LRRC3: variants seen among roughly 807,000 people sequenced by gnomAD.
LRRC3 encodes leucine rich repeat containing 3, also known as leucine-rich repeat-containing protein 3.
For synonymous variants in LRRC3, 172 were observed against 164.1 expected, an observed-to-expected ratio of 1.05 and a Z score of -0.37; for missense variants, 351 against 361.6, an observed-to-expected ratio of 0.97 and a Z score of 0.24.
chr21:44,459,940 A>T lies in LRRC3; in HGVS notation c.*2522A>T, dbSNP rs2051733021. The T allele has an allele frequency of 6.6e-6, 1 of 152,408 alleles. No individual in the cohort carries two copies. The highest frequency in any genetic ancestry group is 2.4e-5 in the African/African-American group (1 of 41,398). 9.4% of individuals were successfully genotyped at this position (152,408 alleles called of 1,614,324 possible). ...CTGCACTGTGAGCTCAGTCAGGTCC[A>T]TGAGCTGCCCACCGTCCTGGCCTTA... is the stretch of plus-strand genomic sequence containing the variant. On this transcript the variant is annotated 3_prime_UTR_variant, in exon 2 of 2. Coordinates refer to ENST00000291592, the MANE Select transcript of LRRC3 (RefSeq NM_030891.6).
intron 1 of LRRC3, 83 bp from the exon 2 acceptor site, chr21:44,456,415 G>A: frequency 1.8e-6 from 1 of 564,622 alleles, no homozygotes; most frequent in Admixed American, 3.3e-5. Flanking sequence ...CCCCACCAGT[G>A]GACGCGTTTC....
At position 44,461,461 on chromosome 21, in the gene LRRC3, C is replaced by CA. The variant is rs1275262452; in HGVS notation, c.*4044dup. On this transcript the variant is annotated 3_prime_UTR_variant, in exon 2 of 2. Transcript: ENST00000291592. The stretch of plus-strand genomic sequence containing the variant: ...CTCCCGCCACAGAGCCTGGGGCCCC[C>CA]AGCCTTGCCTACAGGGAGGGTAGAT... 6.6e-6 allele frequency: 1 copy of CA among 152,378 alleles called. No individual in the cohort carries two copies. The highest frequency in any genetic ancestry group is 2.4e-5 in the African/African-American group (1 of 41,462). 9.4% of individuals were successfully genotyped at this position (152,378 alleles called of 1,614,324 possible).
At chr21:44,455,935 G>A (rs1033657853) in intron 1 of LRRC3, among the ~76,000 whole-genome samples, 1 of 152,160 alleles carries the variant, frequency 6.6e-6, no homozygotes, top group Non-Finnish European at 1.5e-5. Context: ...TTCTGTGCCC[G>A]GTGCGAGCCG....
chr21:44,456,887 C>A lies in LRRC3; in HGVS notation c.243C>A (p.Asp81Glu), dbSNP rs115206214. The change falls in exon 2 of 2, where the codon GAC (aspartate) becomes GAA (glutamate). Residue 81 changes from aspartate (D) to glutamate (E), a missense_variant. Physicochemically the swap from Asp to Glu is conservative, Grantham distance 45. Transcript: ENST00000291592. ...LDANKISHLP[D>E]GAFQHLHRLR... ...CCAACAAGATCTCCCACCTCCCGGA[C>A]GGGGCCTTCCAGCACCTGCACCGGC... 6.2e-7 allele frequency: 1 copy of A among 1,610,366 alleles called. No homozygotes were observed. Among genetic ancestry groups the A allele is most frequent in the South Asian group, 1.1e-5 (1 of 90,918 alleles).
rs1002287224 is a variant in LRRC3, at chr21:44,458,621, A to G, written c.*1203A>G. On this transcript the variant is annotated 3_prime_UTR_variant, in exon 2 of 2. Transcript: ENST00000291592. ...TCACCTTTGCTGCCAGGAATCTCAG[A>G]GATAATTTAGTGCTCAATTTACTAA... 1 of 167,102 alleles carries G rather than the reference A, an allele frequency of 6.0e-6. No homozygotes were observed. Among genetic ancestry groups the G allele is most frequent in the African/African-American group, 2.4e-5 (1 of 41,454 alleles). 10.4% of individuals were successfully genotyped at this position (167,102 alleles called of 1,614,324 possible).
At position 44,459,575 on chromosome 21, in the gene LRRC3, G is replaced by C. The variant is rs959391792; in HGVS notation, c.*2157G>C. The stretch of plus-strand genomic sequence containing the variant: ...CCAGGTCCCAAGGAGAGTGTGAACT[G>C]AGGCCTGGGTGGTGAAGGCAGGGCC... On this transcript the variant is annotated 3_prime_UTR_variant, in exon 2 of 2. Coordinates refer to ENST00000291592, the MANE Select transcript of LRRC3 (RefSeq NM_030891.6). The C allele has an allele frequency of 1.3e-5, 2 of 152,328 alleles. No individual in the cohort carries two copies. Among genetic ancestry groups the C allele is most frequent in the African/African-American group, 4.8e-5 (2 of 41,444 alleles). 9.4% of individuals were successfully genotyped at this position (152,328 alleles called of 1,614,324 possible). A position where few individuals can be genotyped will look rare whatever the true frequency, so the allele number is the denominator to read the frequency against.
chr21:44,455,739 G>C (rs2051693847), intron 1 of LRRC3, 84 bp downstream of exon 1: 1 of 152,030 alleles, frequency 6.6e-6, no homozygotes, highest in South Asian at 2.1e-4. Context: ...GGGTCTCGGG[G>C]GTCCCAGGTT....
Position 44,456,651 on chromosome 21 carries a change from A to G in LRRC3, c.7A>G (p.Thr3Ala). MGTVRPPRPSLLL... is the reference protein window; with the variant it reads MGAVRPPRPSLLL... ...GTCCCCAGGTCAGGTCAGGATGGGC[A>G]CCGTGCGCCCACCTCGCCCCTCGCT... Residue 3 changes from threonine (T) to alanine (A), a missense_variant, in exon 2 of 2, where the codon ACC (threonine) becomes GCC (alanine). Transcript: ENST00000291592. 6.3e-7 allele frequency: 1 copy of G among 1,593,056 alleles called. No homozygotes were observed. Among genetic ancestry groups the G allele is most frequent in the Non-Finnish European group, 8.5e-7 (1 of 1,170,534 alleles).
chr21:44,457,260 G>C lies in LRRC3; in HGVS notation c.616G>C (p.Ala206Pro). The change falls in exon 2 of 2, where the codon GCC (alanine) becomes CCC (proline). Residue 206 changes from alanine to proline, a missense_variant. Coordinates refer to ENST00000291592, the MANE Select transcript of LRRC3 (RefSeq NM_030891.6). ...CGTCCCCCACAGGACCACAGACGTG[G>C]CCATGCTGGTCACCATGTTCGGCTG... ...CSVPHRTTDV[A>P]MLVTMFGWFA... The C allele has an allele frequency of 6.2e-7, 1 of 1,613,866 alleles. No homozygotes were observed. Among genetic ancestry groups the C allele is most frequent in the Non-Finnish European group, 8.5e-7 (1 of 1,180,036 alleles).
At chr21:44,456,471 C>G (rs1439434697) in intron 1 of LRRC3, 27 bp from the exon 2 acceptor site, 2 of 692,306 alleles carry the variant, frequency 2.9e-6, no homozygotes, top group Non-Finnish European at 4.8e-6. Flanking sequence ...CCTCCCTCTC[C>G]GCTCCCTCCT....
chr21:44,456,819 C>T lies in LRRC3; in HGVS notation c.175C>T (p.Pro59Ser). 1 of 1,611,886 alleles carries T rather than the reference C, an allele frequency of 6.2e-7. No homozygotes were observed. The stretch of plus-strand genomic sequence containing the variant: ...CAGCTTGCGGGGCCTTCAGGAGGTC[C>T]CCGAGGACATCCCGGCCAACACCGT... ...FCSLRGLQEV[P>S]EDIPANTVLL... Residue 59 changes from proline (P) to serine (S), a missense_variant, in exon 2 of 2, where the codon CCC (proline) becomes TCC (serine). Coordinates refer to ENST00000291592, the MANE Select transcript of LRRC3 (RefSeq NM_030891.6).
rs745350869 is a variant in LRRC3, at chr21:44,457,111, C to T, written c.467C>T (p.Ala156Val). The T allele has an allele frequency of 1.9e-6, 3 of 1,612,066 alleles. No individual in the cohort carries two copies. The highest frequency in any genetic ancestry group is 3.3e-5 in the Admixed American group (2 of 60,028). ...PLHCECALQEALWELKLDPDS... is the reference protein window; with the variant it reads ...PLHCECALQEVLWELKLDPDS... ...CACTGCGAGTGCGCCCTGCAGGAGG[C>T]CCTGTGGGAGCTGAAGCTGGACCCC... Residue 156 changes from alanine (A) to valine (V), a missense_variant, in exon 2 of 2, where the codon GCC (alanine) becomes GTC (valine). Coordinates refer to ENST00000291592, the MANE Select transcript of LRRC3 (RefSeq NM_030891.6).
chr21:44,456,154 G>C (rs2051697545), intron 1 of LRRC3, among the ~76,000 whole-genome samples: 1 of 152,130 alleles, frequency 6.6e-6, no homozygotes, highest in Non-Finnish European at 1.5e-5. Flanking sequence ...TGAGGAGGGA[G>C]GGGCTGGGTG....
chr21:44,460,436 T>G lies in LRRC3; in HGVS notation c.*3018T>G, dbSNP rs767872649. On this transcript the variant is annotated 3_prime_UTR_variant, in exon 2 of 2. Coordinates refer to ENST00000291592, the MANE Select transcript of LRRC3 (RefSeq NM_030891.6). ...CCATGCTGCACTGATTGCAAGAGTTTCCCACATCTGCAGAGGCCGTGGGCT... is the reference window on the plus strand; with the variant it reads ...CCATGCTGCACTGATTGCAAGAGTTGCCCACATCTGCAGAGGCCGTGGGCT... 1 of 152,430 alleles carries G rather than the reference T, an allele frequency of 6.6e-6. No individual in the cohort carries two copies. Among genetic ancestry groups the G allele is most frequent in the Non-Finnish European group, 1.5e-5 (1 of 68,216 alleles). The allele number at this position is 152,430 out of a possible 1,614,324, so 9.4% of individuals were successfully genotyped here.
chr21:44,457,216 C>T lies in LRRC3; in HGVS notation c.572C>T (p.Ala191Val), dbSNP rs760982483. 8.7e-6 allele frequency: 14 copies of T among 1,613,736 alleles called. No individual in the cohort carries two copies. Among genetic ancestry groups the T allele is most frequent in the African/African-American group, 5.3e-5 (4 of 74,924 alleles). Residue 191 changes from alanine to valine, a missense_variant, in exon 2 of 2, where the codon GCG (alanine) becomes GTG (valine). Physicochemically the swap from Ala to Val is moderately conservative, Grantham distance 64. Coordinates refer to ENST00000291592, the MANE Select transcript of LRRC3 (RefSeq NM_030891.6). ...VGKPLVQALD[A>V]GASLCSVPHR... ...AAGCCTCTGGTTCAGGCTCTGGATGCGGGTGCCAGCCTCTGCAGCGTCCCC... is the reference window on the plus strand; with the variant it reads ...AAGCCTCTGGTTCAGGCTCTGGATGTGGGTGCCAGCCTCTGCAGCGTCCCC...
At chr21:44,456,362 C>G in intron 1 of LRRC3, 136 bp from the exon 2 acceptor site, 1 of 456,970 alleles carries the variant, frequency 2.2e-6, no homozygotes, top group Non-Finnish European at 3.9e-6. Context: ...TTTAAGGAGG[C>G]GTGCTCCCCA....
intron 1 of LRRC3, 75 bp from the exon 2 acceptor site, chr21:44,456,423 T>C (rs2051700047): frequency 1.7e-6 from 1 of 575,442 alleles, no homozygotes; most frequent in Middle Eastern, 4.5e-4. Context: ...GTGGACGCGT[T>C]TCCCAGGTGA....
rs1285961374 is a variant in LRRC3 at position 44,461,790 on chromosome 21, G to A, written c.*4372G>A. On this transcript the variant is annotated 3_prime_UTR_variant, in exon 2 of 2. Coordinates refer to ENST00000291592, the MANE Select transcript of LRRC3 (RefSeq NM_030891.6). ...GAGGTCACCAGAGCCAAGGCAGCAAGGCAAGGAGCCCGGCTTCTAAGGAAC... is the reference window on the plus strand; with the variant it reads ...GAGGTCACCAGAGCCAAGGCAGCAAAGCAAGGAGCCCGGCTTCTAAGGAAC... 1.3e-5 allele frequency: 2 copies of A among 152,404 alleles called. No homozygotes were observed. Among genetic ancestry groups the A allele is most frequent in the Non-Finnish European group, 2.9e-5 (2 of 68,152 alleles). The allele number at this position is 152,404 out of a possible 1,614,324, so 9.4% of individuals were successfully genotyped here. A position where few individuals can be genotyped will look rare whatever the true frequency, so the allele number is the denominator to read the frequency against.
chr21:44,461,263 G>T lies in LRRC3; in HGVS notation c.*3845G>T, dbSNP rs2051744310. Reference sequence around the variant, plus strand: ...GCTGGCTGGAGGCTATGGGTGCGGGGCGTGGGCCTGCCGGGGGTTGCGTGA... The same window carrying T: ...GCTGGCTGGAGGCTATGGGTGCGGGTCGTGGGCCTGCCGGGGGTTGCGTGA... On this transcript the variant is annotated 3_prime_UTR_variant, in exon 2 of 2. Transcript: ENST00000291592. 6.5e-6 allele frequency: 1 copy of T among 152,924 alleles called. No homozygotes were observed. The highest frequency in any genetic ancestry group is 1.5e-5 in the Non-Finnish European group (1 of 68,486). 9.5% of individuals were successfully genotyped at this position (152,924 alleles called of 1,614,324 possible).
Sources: gnomAD v4.1 joint callset for allele counts (sites outside exome capture counted in the v4.1 genomes callset) on GRCh38, gnomAD v4.1.1 for gene constraint, MANE v1.5 for transcripts, NCBI Gene and HGNC (gene_info 2026-07-23, HGNC 2026-07-21) for gene names.